GNG4: variants seen among roughly 807,000 people sequenced by gnomAD.
GNG4 encodes G protein subunit gamma 4.
A neutral mutation model predicts 5.8 loss-of-function variants in GNG4; 4 were observed. The ratio of observed to expected loss-of-function variants is 0.69; its 90% confidence interval spans 0.34 to 1.57. The LOEUF (loss-of-function observed/expected upper bound fraction) is 1.57, where lower values mean the gene tolerates loss of function less well. GNG4 is among the 40% of genes most tolerant of loss of function. The pLI, the probability that GNG4 is intolerant of heterozygous loss-of-function variation, is 0.06. For synonymous variants in GNG4, 29 were observed against 32.9 expected (o/e 0.88, Z 0.41); for missense variants, 96 against 95.1 (o/e 1.01, Z -0.04).
At chr1:235,552,781 A>C (rs1686788354) in intron 3 of GNG4, among the ~76,000 whole-genome samples, 1 of 151,846 alleles carries the variant, frequency 6.6e-6, no homozygotes, top group African/African-American at 2.4e-5. Flanking sequence ...TCTTTTTTTG[A>C]GGCAGAGTCT....
In GNG4 at chr1:235,644,995, G is replaced by C. The variant is rs554463721; in HGVS notation, c.-123+4667C>G. Among the ~76,000 whole-genome samples, 1 of 152,270 alleles carries C rather than the reference G, an allele frequency of 6.6e-6. No homozygotes were observed. Among genetic ancestry groups the C allele is most frequent in the Non-Finnish European group, 1.5e-5 (1 of 68,000 alleles). On this transcript the variant is annotated intron_variant, in intron 1 of 3. Coordinates refer to ENST00000391854, the MANE Select transcript of GNG4 (RefSeq NM_001098722.2). This position sits in a 1 kb window ranked among gnomAD's most constrained non-coding sequence, Gnocchi z 5.9. ...GGCCCCGGGCCGCCAGAGACCCCAG[G>C]GCCCACGTGGACGTGTGGGTGTTGA...
At chr1:235,617,026 G>T (rs1688606087) in intron 1 of GNG4, among the ~76,000 whole-genome samples, 1 of 150,780 alleles carries the variant, frequency 6.6e-6, no homozygotes, top group Non-Finnish European at 1.5e-5. Flanking sequence ...GCCATTACAG[G>T]CGTGAGCCAC....
chr1:235,632,249 G>T (rs1420248552), intron 1 of GNG4, among the ~76,000 whole-genome samples: 1 of 152,054 alleles, frequency 6.6e-6, no homozygotes, highest in Non-Finnish European at 1.5e-5. Flanking sequence ...ACCATGCCCA[G>T]CTAGTTATTT....
chr1:235,558,931 T>C (rs1686986872), intron 3 of GNG4, among the ~76,000 whole-genome samples: 1 of 152,162 alleles, frequency 6.6e-6, no homozygotes, highest in Admixed American at 6.5e-5. Flanking sequence ...AAGAGGTGAT[T>C]AAGGCAGCCC....
intron 1 of GNG4, among the ~76,000 whole-genome samples, chr1:235,630,337 C>T (rs1688906274): frequency 6.6e-6 from 1 of 152,242 alleles, no homozygotes; most frequent in Non-Finnish European, 1.5e-5. Flanking sequence ...GCCAGATACA[C>T]ATCTTCAAAT....
intron 2 of GNG4, among the ~76,000 whole-genome samples, chr1:235,587,012 G>A (rs1343172794): frequency 1.3e-5 from 2 of 152,030 alleles, no homozygotes; most frequent in Non-Finnish European, 2.9e-5. Flanking sequence ...AGTTGGGGGA[G>A]GTTCAGGGGA....
At chr1:235,566,590 T>C (rs390788) in intron 3 of GNG4, 112,667 of 153,514 alleles carry the variant, frequency 0.73, 42,504 homozygotes, top group African/African-American at 0.9. Context: ...CCGTCCCCCA[T>C]GACCTGTGGA....
chr1:235,570,393 TC>T (rs1439012557), intron 3 of GNG4, among the ~76,000 whole-genome samples: 3 of 100,962 alleles, frequency 3.0e-5, no homozygotes, highest in Admixed American at 1.2e-4. Flanking sequence ...TTTCACCTCT[TC>T]TTTTTTTTTT....
At chr1:235,577,558 A>G (rs190235668) in intron 3 of GNG4, among the ~76,000 whole-genome samples, 10 of 152,022 alleles carry the variant, frequency 6.6e-5, no homozygotes, top group African/African-American at 2.4e-4. Context: ...CTCCTGCCTC[A>G]GCCTCCCAAG....
intron 3 of GNG4, among the ~76,000 whole-genome samples, chr1:235,576,992 C>A (rs1404413355): frequency 6.6e-6 from 1 of 152,212 alleles, no homozygotes; most frequent in Non-Finnish European, 1.5e-5. Flanking sequence ...ATTACTCTTT[C>A]TTACTTCTGC....
At chr1:235,595,225 G>A (rs182719151) in intron 2 of GNG4, among the ~76,000 whole-genome samples, 175 bp downstream of exon 2, 3 of 152,270 alleles carry the variant, frequency 2.0e-5, no homozygotes, top group African/African-American at 7.2e-5. Context: ...GTCTGCCGTG[G>A]AGGGTGGGAG....
At chr1:235,570,209 G>C (rs114885539) in intron 3 of GNG4, among the ~76,000 whole-genome samples, 1 of 151,830 alleles carries the variant, frequency 6.6e-6, no homozygotes, top group Non-Finnish European at 1.5e-5. Flanking sequence ...TAATTGCTTC[G>C]GTCTGACACT....
chr1:235,605,739 C>T (rs971865141), intron 1 of GNG4, among the ~76,000 whole-genome samples: 4 of 152,140 alleles, frequency 2.6e-5, no homozygotes, highest in African/African-American at 7.2e-5. Context: ...TGGGTAAAGA[C>T]GGAGCAACTG....
chr1:235,608,748 A>G (rs1211929712), intron 1 of GNG4, among the ~76,000 whole-genome samples: 1 of 151,356 alleles, frequency 6.6e-6, no homozygotes, highest in Non-Finnish European at 1.5e-5. Context: ...CAGTGGTGCA[A>G]TCTCGGCTCA....
In GNG4 at chr1:235,618,646, T is replaced by C. The variant is rs554669679; in HGVS notation, c.-122-23135A>G. On this transcript the variant is annotated intron_variant, in intron 1 of 3. Coordinates refer to ENST00000391854, the MANE Select transcript of GNG4 (RefSeq NM_001098722.2). Reference sequence around the variant, plus strand: ...TACTGCTTCATTGCCATTGCCTAAATTTTTAATCTTTTTGTTTTTTTTTTT... The same window carrying C: ...TACTGCTTCATTGCCATTGCCTAAACTTTTAATCTTTTTGTTTTTTTTTTT... 7.3e-5 allele frequency among the ~76,000 whole-genome samples: 11 copies of C among 151,548 alleles called. No individual in the cohort carries two copies. In the South Asian group the frequency reaches 2.3e-3, roughly 31 times the overall value.
chr1:235,566,043 G>C (rs1447267349), intron 3 of GNG4: 1 of 152,236 alleles, frequency 6.6e-6, no homozygotes, highest in African/African-American at 2.4e-5. Flanking sequence ...GAATTGAGCA[G>C]AATTCTAGGA....
chr1:235,587,313 G>A (rs1687794616), intron 2 of GNG4, among the ~76,000 whole-genome samples: 1 of 66,978 alleles, frequency 1.5e-5, no homozygotes, highest in South Asian at 4.2e-4. Context: ...AGGGTGAGGG[G>A]TGTGTGTGTG....
intron 1 of GNG4, among the ~76,000 whole-genome samples, chr1:235,643,635 T>C (rs937075820): frequency 5.3e-5 from 8 of 152,190 alleles, no homozygotes; most frequent in African/African-American, 1.9e-4. Context: ...ATCGATCGCA[T>C]CCAGCAGTAT....
chr1:235,551,987 C>A lies in GNG4; in HGVS notation c.*122G>T. 1.4e-6 allele frequency: 1 copy of A among 726,634 alleles called. No homozygotes were observed. The highest frequency in any genetic ancestry group is 2.3e-6 in the Non-Finnish European group (1 of 431,624). 45.0% of individuals were successfully genotyped at this position (726,634 alleles called of 1,614,324 possible). On this transcript the variant is annotated 3_prime_UTR_variant, in exon 4 of 4. Coordinates refer to ENST00000391854, the MANE Select transcript of GNG4 (RefSeq NM_001098722.2). ...AAACAGATGGAAACATAAGACAAGC[C>A]CCGGCCACTGTTGGCTGGGCAGGGA...
Sources: allele counts gnomAD v4.1 joint callset (sites outside exome capture counted in the v4.1 genomes callset), GRCh38; gene constraint gnomAD v4.1.1; non-coding constraint Gnocchi (gnomAD v3.1); transcripts MANE v1.5; gene names NCBI Gene and HGNC (gene_info 2026-07-23, HGNC 2026-07-21).